Variants in DIP2B observed in about 807,000 individuals in gnomAD.
The protein encoded by DIP2B is DIP2 acetate--CoA ligase B (putative).
Under a neutral mutation model 198.0 loss-of-function variants are expected in DIP2B, and 76 were observed. The ratio of observed to expected loss-of-function variants is 0.38; its 90% confidence interval spans 0.32 to 0.46. DIP2B has a LOEUF of 0.46. DIP2B is among the 20% of genes least tolerant of loss of function. The pLI, the probability that DIP2B is intolerant of heterozygous loss-of-function variation, is 0.99. For missense variants in DIP2B, 1,559 were observed against 1,978.4 expected, an observed-to-expected ratio of 0.79 and a Z score of 4.02; for synonymous variants, 701 against 739.1, an observed-to-expected ratio of 0.95 and a Z score of 0.84.
At chr12:50,606,599 A>C (rs12321891) in intron 1 of DIP2B, among the ~76,000 whole-genome samples, 8,566 of 152,234 alleles carry the variant, frequency 0.056, 809 homozygotes, top group African/African-American at 0.2. Context: ...TGATCTTCAT[A>C]AAATTCACTC....
intron 19 of DIP2B, among the ~76,000 whole-genome samples, chr12:50,703,127 G>A (rs1331701810): frequency 1.3e-5 from 2 of 151,704 alleles, no homozygotes; most frequent in Non-Finnish European, 2.9e-5. Flanking sequence ...GGAGGCTGAG[G>A]TGGGAGGATT....
chr12:50,697,323 G>A, intron 17 of DIP2B, 148 bp downstream of exon 17: 1 of 654,834 alleles, frequency 1.5e-6, no homozygotes. Flanking sequence ...CAAAGTGTAT[G>A]CAGTAAACTG....
chr12:50,612,611 T>C (rs988651834), intron 1 of DIP2B, among the ~76,000 whole-genome samples: 1 of 151,956 alleles, frequency 6.6e-6, no homozygotes, highest in Non-Finnish European at 1.5e-5. Context: ...GTATTTTTAT[T>C]AGAGATGGGG....
intron 1 of DIP2B, among the ~76,000 whole-genome samples, chr12:50,625,773 A>G (rs2684900): frequency 6.6e-6 from 1 of 151,952 alleles, no homozygotes; most frequent in East Asian, 1.9e-4. Context: ...GACAAGCTCT[A>G]CAGTATTCTA....
chr12:50,559,806 G>A (rs1388652286), intron 1 of DIP2B, among the ~76,000 whole-genome samples: 2 of 151,972 alleles, frequency 1.3e-5, no homozygotes, highest in Non-Finnish European at 2.9e-5. Context: ...GGCCTTGGGA[G>A]TGGGGATGGA....
intron 1 of DIP2B, among the ~76,000 whole-genome samples, chr12:50,589,952 G>T (rs563262038): frequency 3.3e-5 from 5 of 152,122 alleles, no homozygotes; most frequent in Admixed American, 6.5e-5. Context: ...ACTGGTGAAA[G>T]TAAGGGGGCA....
intron 28 of DIP2B, among the ~76,000 whole-genome samples, chr12:50,725,191 T>C (rs573316709): frequency 2.6e-5 from 4 of 152,232 alleles, no homozygotes; most frequent in Admixed American, 6.5e-5. Context: ...AAGTAAAATA[T>C]TGAGACAATC....
chr12:50,536,271 G>GCATATATA (rs1555182427), intron 1 of DIP2B, among the ~76,000 whole-genome samples: 4 of 147,972 alleles, frequency 2.7e-5, no homozygotes, highest in African/African-American at 1.0e-4. Flanking sequence ...CTAAATACGT[G>GCATATATA]CATACATACA....
intron 1 of DIP2B, among the ~76,000 whole-genome samples, chr12:50,601,447 C>A (rs1277095064): frequency 6.6e-6 from 1 of 151,916 alleles, no homozygotes; most frequent in Non-Finnish European, 1.5e-5. Context: ...CAGGTTCACG[C>A]CATTCTCCTG....
rs145900638 is a variant in DIP2B at position 50,718,031 on chromosome 12, C to A, written c.2852-678C>A. 2.3e-3 allele frequency among the ~76,000 whole-genome samples: 353 copies of A among 150,900 alleles called. 1 individual carries two copies. Among genetic ancestry groups the A allele is most frequent in the African/African-American group, 8.0e-3 (328 of 41,128 alleles). On this transcript the variant is annotated intron_variant, in intron 23 of 37. Transcript: ENST00000301180. The stretch of plus-strand genomic sequence containing the variant: ...TCTCCTGCCTCAGCCTCCCGAGTAG[C>A]TGGGACTACAGGTGTGTACCACCAC...
rs141436517 is a variant in DIP2B, at chr12:50,737,086, G to A, written c.4152G>A (p.Pro1384=). 2.7e-3 allele frequency: 4,413 copies of A among 1,613,930 alleles called. 32 individuals carry two copies. Among genetic ancestry groups the A allele is most frequent in the South Asian group, 0.016 (1,442 of 91,054 alleles). ...VVIVNPETKG[P]VGDSHLGEIW... ...TTGTTAATCCTGAGACCAAAGGGCC[G>A]GTTGGAGACTCTCACCTTGGAGAGG... The change falls in exon 35 of 38, where the codon CCG becomes CCA. Residue 1384 remains proline (P), a synonymous_variant. Transcript: ENST00000301180.
rs1405793360 is a variant in DIP2B at position 50,745,009 on chromosome 12, G to T, written c.*170G>T. On this transcript the variant is annotated 3_prime_UTR_variant, in exon 38 of 38. Coordinates refer to ENST00000301180, the MANE Select transcript of DIP2B (RefSeq NM_173602.3). ...ATAAAACACAGGAAAGGGGAATTCT[G>T]TGATGGCAAATGAAAAAAATGTTAA... 9.5e-6 allele frequency: 8 copies of T among 842,344 alleles called. No homozygotes were observed. The highest frequency in any genetic ancestry group is 2.7e-5 in the East Asian group (1 of 37,464). 52.2% of individuals were successfully genotyped at this position (842,344 alleles called of 1,614,324 possible). A position where few individuals can be genotyped will look rare whatever the true frequency, so the allele number is the denominator to read the frequency against.
At chr12:50,724,926 G>T in intron 28 of DIP2B, 40 bp downstream of exon 28, 1 of 1,561,758 alleles carries the variant, frequency 6.4e-7, no homozygotes, top group Non-Finnish European at 8.8e-7. Flanking sequence ...GGGACTGAGA[G>T]CTCACAATAC....
At chr12:50,697,497 A>G (rs1037179803) in intron 17 of DIP2B, among the ~76,000 whole-genome samples, 14 of 146,094 alleles carry the variant, frequency 9.6e-5, no homozygotes, top group African/African-American at 3.6e-4. Flanking sequence ...TATGTATGTA[A>G]GTATCAGTGA....
At chr12:50,618,851 T>C (rs182880452) in intron 1 of DIP2B, among the ~76,000 whole-genome samples, 3 of 152,342 alleles carry the variant, frequency 2.0e-5, no homozygotes, top group Admixed American at 6.5e-5. Context: ...TTCATTACCA[T>C]TCTCTCCTTG....
chr12:50,575,853 G>C (rs141808422), intron 1 of DIP2B, among the ~76,000 whole-genome samples: 1 of 152,020 alleles, frequency 6.6e-6, no homozygotes, highest in Non-Finnish European at 1.5e-5. Context: ...TGCCCACCAG[G>C]TTCCAGTGAT....
In DIP2B at chr12:50,747,440, T is replaced by C. The variant is rs1281540545; in HGVS notation, c.*2601T>C. On this transcript the variant is annotated 3_prime_UTR_variant, in exon 38 of 38. Coordinates refer to ENST00000301180, the MANE Select transcript of DIP2B (RefSeq NM_173602.3). ...GAGGAAGGAAGGCTAAGAACTGTCC[T>C]TGAGGAACTTCATCAGTAACTCTGG... The C allele has an allele frequency of 6.6e-6, 1 of 152,262 alleles. No homozygotes were observed. The highest frequency in any genetic ancestry group is 1.5e-5 in the Non-Finnish European group (1 of 68,052). The allele number at this position is 152,262 out of a possible 1,614,324, so 9.4% of individuals were successfully genotyped here. A position where few individuals can be genotyped will look rare whatever the true frequency, so the allele number is the denominator to read the frequency against.
chr12:50,637,653 G>T (rs572699751), intron 2 of DIP2B, among the ~76,000 whole-genome samples: 1 of 152,172 alleles, frequency 6.6e-6, no homozygotes, highest in African/African-American at 2.4e-5. Flanking sequence ...TTCTTCTCTG[G>T]ACACTAGCAC....
intron 1 of DIP2B, among the ~76,000 whole-genome samples, chr12:50,541,793 G>C (rs890266884): frequency 2.6e-5 from 4 of 151,922 alleles, no homozygotes; most frequent in Admixed American, 1.3e-4. Flanking sequence ...CTTGAGGCCG[G>C]GAATTGGAGA....
Sources: allele counts gnomAD v4.1 joint callset (sites outside exome capture counted in the v4.1 genomes callset), GRCh38; gene constraint gnomAD v4.1.1; transcripts MANE v1.5; gene names NCBI Gene and HGNC (gene_info 2026-07-23, HGNC 2026-07-21).